The following STPG2 variants were observed in gnomAD, a reference collection of about 807,000 sequenced individuals.
STPG2 encodes the protein sperm tail PG-rich repeat containing 2.
A neutral mutation model predicts 54.2 loss-of-function variants in STPG2; 56 were observed. The ratio of observed to expected loss-of-function variants is 1.03; its 90% CI spans 0.83 to 1.29. The LOEUF (loss-of-function observed/expected upper bound fraction) is 1.29. STPG2 is among the 50% of genes most tolerant of loss of function. The probability of loss-of-function intolerance (pLI) is 0.00; values close to 1 mark genes in which losing one functional copy is unlikely to be tolerated. For synonymous variants in STPG2, 200 were observed against 181.8 expected (o/e 1.10, Z -0.81); for missense variants, 596 against 544.9 (o/e 1.09, Z -0.93).
chr4:97,876,933 T>C (rs938419890), intron 8 of STPG2, among the ~76,000 whole-genome samples: 8 of 152,090 alleles, frequency 5.3e-5, no homozygotes, highest in Non-Finnish European at 7.4e-5. Flanking sequence ...ATAAAAGATA[T>C]TGTCCATTTT....
At chr4:98,094,541 G>A (rs1450029829) in intron 5 of STPG2, among the ~76,000 whole-genome samples, 7 of 152,178 alleles carry the variant, frequency 4.6e-5, no homozygotes, top group Admixed American at 1.3e-4. Flanking sequence ...GGCTTTTGGG[G>A]TCCCCGAGTC....
intron 4 of STPG2, among the ~76,000 whole-genome samples, chr4:97,546,889 G>A (rs1277470204): frequency 6.6e-6 from 1 of 152,118 alleles, no homozygotes; most frequent in African/African-American, 2.4e-5. Flanking sequence ...ACTACAATGT[G>A]AGAAGTGAAA....
In STPG2 at chr4:97,640,977, A is replaced by G. The variant is rs533649409; in HGVS notation, c.1320+71722T>C. ...AGGAACAAAAGAATACAGTTTTATA[A>G]AAGAAGTAATCTTATAATGAATATA... On this transcript the variant is annotated intron_variant, in intron 10 of 10. Coordinates refer to ENST00000295268, the MANE Select transcript of STPG2 (RefSeq NM_174952.3). Among the ~76,000 whole-genome samples, 24 of 151,690 alleles carry G rather than the reference A, an allele frequency of 1.6e-4. 1 individual carries two copies. Among genetic ancestry groups the G allele is most frequent in the South Asian group, 1.0e-3 (5 of 4,826 alleles).
At chr4:98,125,676 G>A (rs1739809418) in intron 3 of STPG2, among the ~76,000 whole-genome samples, 1 of 152,232 alleles carries the variant, frequency 6.6e-6, no homozygotes, top group Non-Finnish European at 1.5e-5. Flanking sequence ...TAAAGAAGCA[G>A]TCTGGCCACT....
intron 10 of STPG2, among the ~76,000 whole-genome samples, chr4:97,587,252 A>G (rs1242932755): frequency 6.6e-6 from 1 of 151,922 alleles, no homozygotes; most frequent in East Asian, 1.9e-4. Context: ...TTCAAATATT[A>G]AAGTAATTAT....
chr4:97,972,058 G>A (rs1030960956), intron 7 of STPG2, among the ~76,000 whole-genome samples: 6 of 151,682 alleles, frequency 4.0e-5, no homozygotes, highest in Admixed American at 3.3e-4. Context: ...TTTTTCAAAC[G>A]CTATATTTTT....
intron 8 of STPG2, among the ~76,000 whole-genome samples, chr4:97,926,283 C>T (rs918707603): frequency 6.6e-6 from 1 of 152,120 alleles, no homozygotes; most frequent in South Asian, 2.1e-4. Flanking sequence ...CCAGTCTTAC[C>T]AGGGTTCACC....
chr4:97,987,965 A>G (rs917841885), intron 5 of STPG2, among the ~76,000 whole-genome samples: 1 of 151,702 alleles, frequency 6.6e-6, no homozygotes, highest in African/African-American at 2.4e-5. Context: ...TCCGCTTCTC[A>G]AACCCACCCA....
intron 4 of STPG2, among the ~76,000 whole-genome samples, chr4:97,529,761 A>T (rs897117627): frequency 1.3e-5 from 2 of 152,046 alleles, no homozygotes; most frequent in Non-Finnish European, 1.5e-5. Context: ...TTTCTAGTTT[A>T]TTTGAGTAGA....
chr4:98,137,945 A>T (rs1740179109), intron 1 of STPG2, among the ~76,000 whole-genome samples: 1 of 151,988 alleles, frequency 6.6e-6, no homozygotes, highest in Non-Finnish European at 1.5e-5. Flanking sequence ...ACTACAAAAA[A>T]TTTAAATGTT....
intron 10 of STPG2, among the ~76,000 whole-genome samples, chr4:97,577,552 T>C (rs1354247515): frequency 6.6e-6 from 1 of 152,036 alleles, no homozygotes; most frequent in Non-Finnish European, 1.5e-5. Flanking sequence ...GACTTAAACA[T>C]GGGAACAACA....
chr4:97,538,855 T>C (rs1731612304), intron 4 of STPG2, among the ~76,000 whole-genome samples: 2 of 152,276 alleles, frequency 1.3e-5, no homozygotes, highest in Admixed American at 6.5e-5. Context: ...CAGCAGAAAC[T>C]TTACAAGCCA....
At chr4:97,724,130 A>C (rs1247721015) in intron 9 of STPG2, among the ~76,000 whole-genome samples, 2 of 152,194 alleles carry the variant, frequency 1.3e-5, no homozygotes, top group African/African-American at 4.8e-5. Flanking sequence ...TTTTGTGACA[A>C]AACCGCAAAG....
At chr4:97,512,574 G>C (rs1175314991) in intron 4 of STPG2, among the ~76,000 whole-genome samples, 2 of 151,640 alleles carry the variant, frequency 1.3e-5, no homozygotes, top group Non-Finnish European at 2.9e-5. Flanking sequence ...GGAGAACAGA[G>C]GAGAGAAGAG....
chr4:97,867,780 T>G (rs1397139904), intron 8 of STPG2, among the ~76,000 whole-genome samples: 3 of 152,018 alleles, frequency 2.0e-5, no homozygotes, highest in Non-Finnish European at 4.4e-5. Flanking sequence ...ATGATTGCCT[T>G]ATGATAGCAA....
chr4:98,019,375 T>C (rs1273616301), intron 5 of STPG2, among the ~76,000 whole-genome samples: 2 of 152,052 alleles, frequency 1.3e-5, no homozygotes, highest in African/African-American at 4.8e-5. Context: ...CATTGATCTA[T>C]ATCTCTGTTT....
chr4:97,498,082 C>T (rs1035867690), intron 4 of STPG2, among the ~76,000 whole-genome samples: 3 of 151,726 alleles, frequency 2.0e-5, no homozygotes, highest in African/African-American at 7.3e-5. Flanking sequence ...TTTCTCTTTC[C>T]TGAAAACAAG....
chr4:97,998,938 G>A (rs759085724), intron 5 of STPG2, among the ~76,000 whole-genome samples: 4 of 152,086 alleles, frequency 2.6e-5, no homozygotes, highest in African/African-American at 4.8e-5. Flanking sequence ...AAAAGTTCAC[G>A]CTGGCCTCTC....
intron 10 of STPG2, among the ~76,000 whole-genome samples, chr4:97,657,060 A>T (rs1403950318): frequency 6.6e-6 from 1 of 152,116 alleles, no homozygotes; most frequent in Admixed American, 6.6e-5. Flanking sequence ...AATGTGAAAG[A>T]TGTTGATTAT....
Sources: allele counts gnomAD v4.1 joint callset (sites outside exome capture counted in the v4.1 genomes callset), GRCh38; gene constraint gnomAD v4.1.1; transcripts MANE v1.5; gene names NCBI Gene and HGNC (gene_info 2026-07-23, HGNC 2026-07-21).